The following ABCA13 variants were observed in gnomAD, a reference collection of about 807,000 sequenced individuals.
ABCA13 encodes the protein ATP binding cassette subfamily A member 13.
ABCA13 carries 476 observed loss-of-function variants against 478.7 expected under a neutral mutation model. The ratio of observed to expected loss-of-function variants is 0.99; its 90% CI spans 0.92 to 1.07. The LOEUF is 1.07. ABCA13 is among the 50% of genes least tolerant of loss of function. The pLI is 0.00. For synonymous variants in ABCA13, 2,252 were observed against 2,158.9 expected, an observed-to-expected ratio of 1.04 and a Z score of -1.20; for missense variants, 6,060 against 5,910.6, an observed-to-expected ratio of 1.03 and a Z score of -0.83.
chr7:48,403,083 A>T (rs1324841167), intron 38 of ABCA13, among the ~76,000 whole-genome samples: 1 of 152,258 alleles, frequency 6.6e-6, no homozygotes, highest in South Asian at 2.1e-4. Flanking sequence ...TGCACTGGGT[A>T]TCTGAGATCT....
chr7:48,556,703 G>A (rs1785866383), intron 55 of ABCA13, among the ~76,000 whole-genome samples: 1 of 151,742 alleles, frequency 6.6e-6, no homozygotes, highest in Non-Finnish European at 1.5e-5. Context: ...ATTTTTATAG[G>A]AAAAATGTAT....
At chr7:48,260,219 G>A (rs1375239344) in intron 15 of ABCA13, among the ~76,000 whole-genome samples, 1 of 151,956 alleles carries the variant, frequency 6.6e-6, no homozygotes, top group African/African-American at 2.4e-5. Context: ...TTTTGTTATG[G>A]TTCTTTCTCA....
chr7:48,506,366 G>A lies in ABCA13; in HGVS notation c.13322G>A (p.Gly4441Glu), dbSNP rs777890882. 9.3e-6 allele frequency: 15 copies of A among 1,613,672 alleles called. No homozygotes were observed. The highest frequency in any genetic ancestry group is 1.3e-5 in the Non-Finnish European group (15 of 1,179,756). ...GITLYSHPYGGALLNEDKILE... is the reference protein window; with the variant it reads ...GITLYSHPYGEALLNEDKILE... ...ACACTCTACAGCCACCCATATGGAG[G>A]GGCCTTGCTGAACGAGGACAAGATG... Residue 4441 changes from glycine (G) to glutamate (E), a missense_variant, in exon 49 of 62, where the codon GGG becomes GAG. This residue lies in a region of ABCA13 where 1,627 missense variants were observed against 1,571.0 expected (regional missense o/e 1.04). Coordinates refer to ENST00000435803, the MANE Select transcript of ABCA13 (RefSeq NM_152701.5).
chr7:48,297,176 C>A, intron 21 of ABCA13, 56 bp from the exon 22 acceptor site: 1 of 1,392,516 alleles, frequency 7.2e-7, no homozygotes, highest in Non-Finnish European at 1.0e-6. Flanking sequence ...TTCATTCCAA[C>A]ACTGTTTCTG....
At chr7:48,316,897 C>T (rs557476713) in intron 26 of ABCA13, among the ~76,000 whole-genome samples, 17 of 152,240 alleles carry the variant, frequency 1.1e-4, no homozygotes, top group South Asian at 2.1e-4. Context: ...ACAATGGCAC[C>T]GAAACATTCA....
At chr7:48,482,093 A>T (rs1828828858) in intron 46 of ABCA13, among the ~76,000 whole-genome samples, 1 of 152,136 alleles carries the variant, frequency 6.6e-6, no homozygotes, top group Admixed American at 6.5e-5. Flanking sequence ...GATACAAGAT[A>T]CTGTGCAACT....
At position 48,271,447 on chromosome 7, in the gene ABCA13, C is replaced by G. The variant is rs111732309; in HGVS notation, c.2121-340C>G. ...TCTGTGCTACCTTTACATGCCAAGA[C>G]ATTTTGAAATGGAATTAAATCCTAA... is the stretch of plus-strand genomic sequence containing the variant. On this transcript the variant is annotated intron_variant, in intron 16 of 61. Coordinates refer to ENST00000435803, the MANE Select transcript of ABCA13 (RefSeq NM_152701.5). 2.0e-3 allele frequency among the ~76,000 whole-genome samples: 298 copies of G among 152,256 alleles called. 1 individual carries two copies. The highest frequency in any genetic ancestry group is 3.7e-3 in the Non-Finnish European group (254 of 68,020).
chr7:48,593,117 T>C (rs2131427696), intron 57 of ABCA13, among the ~76,000 whole-genome samples: 1 of 152,168 alleles, frequency 6.6e-6, no homozygotes, highest in Non-Finnish European at 1.5e-5. Context: ...TGTTAATTGT[T>C]TTCTGGCTAT....
chr7:48,521,400 C>T (rs1284187162), intron 53 of ABCA13, among the ~76,000 whole-genome samples: 1 of 152,158 alleles, frequency 6.6e-6, no homozygotes, highest in African/African-American at 2.4e-5. Flanking sequence ...AATTATTTTT[C>T]CTTTCAGCCA....
chr7:48,530,318 A>G (rs1833141079), intron 55 of ABCA13, among the ~76,000 whole-genome samples: 2 of 151,652 alleles, frequency 1.3e-5, no homozygotes, highest in South Asian at 2.1e-4. Context: ...ATATATATGT[A>G]TATATATACA....
chr7:48,242,536 C>G (rs1791009164), intron 10 of ABCA13, among the ~76,000 whole-genome samples: 1 of 152,180 alleles, frequency 6.6e-6, no homozygotes, highest in Non-Finnish European at 1.5e-5. Context: ...CTCTCAGACT[C>G]AAGCGATTCT....
intron 43 of ABCA13, among the ~76,000 whole-genome samples, chr7:48,461,035 C>T (rs1159047390): frequency 1.3e-5 from 2 of 152,328 alleles, no homozygotes; most frequent in African/African-American, 4.8e-5. Context: ...GTGATTGCTT[C>T]ACTTTGTTTC....
chr7:48,214,900 CT>C (rs1786216659), intron 3 of ABCA13, among the ~76,000 whole-genome samples: 1 of 152,194 alleles, frequency 6.6e-6, no homozygotes, highest in East Asian at 1.9e-4. Flanking sequence ...AGAACCTTTT[CT>C]TTGCATTCAC....
chr7:48,584,076 G>A (rs1788950362), intron 56 of ABCA13, among the ~76,000 whole-genome samples: 1 of 152,072 alleles, frequency 6.6e-6, no homozygotes, highest in Non-Finnish European at 1.5e-5. Flanking sequence ...GCATTCTCAG[G>A]TGCATTTCTC....
At chr7:48,500,741 A>C (rs1830668118) in intron 48 of ABCA13, among the ~76,000 whole-genome samples, 1 of 152,160 alleles carries the variant, frequency 6.6e-6, no homozygotes, top group South Asian at 2.1e-4. Flanking sequence ...CTGAAGCTCC[A>C]GGGCAGCCCT....
intron 55 of ABCA13, among the ~76,000 whole-genome samples, chr7:48,549,215 G>T (rs1785090641): frequency 6.6e-6 from 1 of 151,488 alleles, no homozygotes; most frequent in South Asian, 2.1e-4. Flanking sequence ...CCCTCCCCTT[G>T]CCCTCTACCC....
At chr7:48,233,063 G>A (rs890851393) in intron 7 of ABCA13, among the ~76,000 whole-genome samples, 5 of 152,108 alleles carry the variant, frequency 3.3e-5, no homozygotes, top group African/African-American at 1.2e-4. Context: ...GCCATGTAAA[G>A]GCAATCAGAC....
chr7:48,233,964 A>G, intron 7 of ABCA13, 54 bp from the exon 8 acceptor site: 4 of 1,599,230 alleles, frequency 2.5e-6, no homozygotes, highest in Non-Finnish European at 2.6e-6. Flanking sequence ...ATTACATTAA[A>G]CATATCAAAA....
intron 55 of ABCA13, among the ~76,000 whole-genome samples, chr7:48,547,670 CAGTG>C (rs1784941035): frequency 6.6e-6 from 1 of 151,884 alleles, no homozygotes; most frequent in African/African-American, 2.4e-5. Flanking sequence ...ATACACATTT[CAGTG>C]AGTACCATAC....
Sources: gnomAD v4.1 joint callset for allele counts (sites outside exome capture counted in the v4.1 genomes callset) on GRCh38, gnomAD v4.1.1 for gene constraint, gnomAD v4.1.1 regional missense constraint, MANE v1.5 for transcripts, NCBI Gene and HGNC (gene_info 2026-07-23, HGNC 2026-07-21) for gene names.